The following TBC1D1 variants were observed in gnomAD, a reference collection of about 807,000 sequenced individuals.
TBC1D1 encodes TBC1 domain family member 1, also known as TBC1 (tre-2/USP6, BUB2, cdc16) domain family, member 1.
Under a neutral mutation model 125.6 loss-of-function variants are expected in TBC1D1, and 89 were observed. The observed-to-expected ratio is 0.71, with a 90% CI of 0.60 to 0.85. The LOEUF is 0.85. Ranked by LOEUF, TBC1D1 falls within the 40% of genes least tolerant of loss-of-function variation. TBC1D1 has a pLI of 0.00. For synonymous variants in TBC1D1, 565 were observed against 564.1 expected (o/e 1.00, Z -0.02); for missense variants, 1,377 against 1,469.2 (o/e 0.94, Z 1.03).
At position 38,125,190 on chromosome 4, in the gene TBC1D1, A is replaced by C; in HGVS notation, c.3132+59A>C. 2.0e-6 allele frequency: 3 copies of C among 1,537,858 alleles called. No homozygotes were observed. The South Asian group carries it at 3.4e-5, about 18-fold the overall frequency. On this transcript the variant is annotated intron_variant, in intron 18 of 19. Transcript: ENST00000261439. ...GCCATCCTAGATATGTAGAAACTTAAATCTCTCTTGAGCAGGAACTGTTTC... is the reference window on the plus strand; with the variant it reads ...GCCATCCTAGATATGTAGAAACTTACATCTCTCTTGAGCAGGAACTGTTTC...
At chr4:38,117,860 C>T (rs1763227112) in intron 16 of TBC1D1, among the ~76,000 whole-genome samples, 173 bp from the exon 19 acceptor site, 1 of 150,208 alleles carries the variant, frequency 6.7e-6, no homozygotes, top group Non-Finnish European at 1.5e-5. Flanking sequence ...CCAGCAGGCA[C>T]TTGGGAAGCA....
chr4:38,035,510 T>A, intron 7 of TBC1D1, 78 bp from the exon 8 acceptor site: 1 of 1,106,082 alleles, frequency 9.0e-7, no homozygotes, highest in African/African-American at 1.6e-5. Flanking sequence ...GGATGGAAGC[T>A]GTTAGCATTT....
chr4:38,040,621 G>A lies in TBC1D1; in HGVS notation c.1414-3741G>A, dbSNP rs149054206. ...TTTATATATCAAAACAATTCAGCTT[G>A]CTTCACTTTTATGAAAGCTTTATTA... is the stretch of plus-strand genomic sequence containing the variant. On this transcript the variant is annotated intron_variant, in intron 8 of 19. Coordinates refer to ENST00000261439, the MANE Select transcript of TBC1D1 (RefSeq NM_015173.4). 4.6e-3 allele frequency among the ~76,000 whole-genome samples: 695 copies of A among 152,338 alleles called. 6 individuals are homozygous for A. Among genetic ancestry groups the A allele is most frequent in the African/African-American group, 0.016 (665 of 41,588 alleles).
chr4:38,058,213 C>T (rs1179871780), intron 12 of TBC1D1, among the ~76,000 whole-genome samples: 2 of 152,228 alleles, frequency 1.3e-5, no homozygotes, highest in African/African-American at 4.8e-5. Flanking sequence ...ACAAATCAGG[C>T]ATCTTTGTCC....
Position 38,096,048 on chromosome 4 carries a change from A to G in TBC1D1, c.2356A>G (p.Ile786Val). 6.2e-7 allele frequency: 1 copy of G among 1,613,980 alleles called. No homozygotes were observed. Among genetic ancestry groups the G allele is most frequent in the Non-Finnish European group, 8.5e-7 (1 of 1,179,898 alleles). ...GCTTAGCACTCCAGGAAGATCAAAA[A>G]TTAAGTTTGACATGGAAAAAATGCA... Residue 786 changes from isoleucine (I) to valine (V), a missense_variant, in exon 14 of 20, where the codon ATT becomes GTT. Physicochemically the swap from Ile to Val is conservative, Grantham distance 29 (BLOSUM62 3). This residue lies in a region of TBC1D1 where 543 missense variants were observed against 613.5 expected (regional missense o/e 0.89). Coordinates refer to ENST00000261439, the MANE Select transcript of TBC1D1 (RefSeq NM_015173.4).
intron 2 of TBC1D1, chr4:37,951,906 G>T (rs1340933753): frequency 9.9e-6 from 7 of 709,150 alleles, no homozygotes; most frequent in African/African-American, 1.8e-5. Context: ...GGTGATAATG[G>T]GTATGTACTT....
At chr4:38,136,366 A>G (rs75658205) in intron 19 of TBC1D1, among the ~76,000 whole-genome samples, 200 of 152,330 alleles carry the variant, frequency 1.3e-3, no homozygotes, top group African/African-American at 4.5e-3. Flanking sequence ...GTGAACAGTC[A>G]GTGAGACCAG....
intron 2 of TBC1D1, among the ~76,000 whole-genome samples, chr4:37,941,132 G>A (rs910835028): frequency 6.6e-6 from 1 of 152,124 alleles, no homozygotes; most frequent in Non-Finnish European, 1.5e-5. Flanking sequence ...GGTAGAATTC[G>A]GCTGTGAATC....
chr4:37,937,617 G>GAATTGTTTCATCAAGAAACAATAAT (rs1211407083), intron 2 of TBC1D1, among the ~76,000 whole-genome samples: 25 of 152,146 alleles, frequency 1.6e-4, no homozygotes, highest in African/African-American at 5.8e-4. Flanking sequence ...GAAACAATAA[G>GAATTGTTTCATCAAGAAACAATAAT]AATTGTTTCA....
chr4:37,937,997 T>G (rs62298461), intron 2 of TBC1D1, among the ~76,000 whole-genome samples: 13,228 of 152,238 alleles, frequency 0.087, 804 homozygotes, highest in Admixed American at 0.18. Flanking sequence ...GGGAAGGTAT[T>G]CACTCCGCCT....
intron 19 of TBC1D1, 95 bp from the exon 22 acceptor site, chr4:38,137,040 C>T (rs17579988): frequency 0.048 from 76,457 of 1,586,686 alleles, 2,098 homozygotes; most frequent in East Asian, 0.11. Context: ...AAACTCGGCT[C>T]CAGAGTGCTC....
intron 17 of TBC1D1, among the ~76,000 whole-genome samples, chr4:38,123,687 A>C (rs550908897): frequency 2.4e-4 from 37 of 151,896 alleles, no homozygotes; most frequent in African/African-American, 8.5e-4. Context: ...GTGGACCCTG[A>C]GCTGGGTGGG....
intron 2 of TBC1D1, among the ~76,000 whole-genome samples, chr4:37,973,187 G>C (rs1005821605): frequency 1.3e-5 from 2 of 152,156 alleles, no homozygotes; most frequent in African/African-American, 4.8e-5. Context: ...GATTAGGAAG[G>C]AAGACTTGGA....
At chr4:38,010,517 A>G (rs1741250913) in intron 2 of TBC1D1, among the ~76,000 whole-genome samples, 1 of 152,086 alleles carries the variant, frequency 6.6e-6, no homozygotes. Flanking sequence ...AGATGCCTTT[A>G]CTTTCAAGTC....
At position 38,063,532 on chromosome 4, in the gene TBC1D1, T is replaced by C. The variant is rs1427616333; in HGVS notation, c.2050+9194T>C. Among the ~76,000 whole-genome samples the C allele has an allele frequency of 3.3e-5, 5 of 152,252 alleles. No individual in the cohort carries two copies. In the East Asian group the frequency reaches 9.6e-4, roughly 29 times the overall value. ...CTTTATTGAGATATAATTCACATCC[T>C]ATACAGTTTGTTCATTTAAAATGTA... On this transcript the variant is annotated intron_variant, in intron 12 of 19. Transcript: ENST00000261439.
intron 2 of TBC1D1, among the ~76,000 whole-genome samples, chr4:37,916,412 G>GT (rs950044302): frequency 4.0e-5 from 6 of 151,898 alleles, no homozygotes; most frequent in African/African-American, 1.5e-4. Flanking sequence ...GAGGTGCATC[G>GT]TTTTTAGCAA....
chr4:38,020,574 T>TTC lies in TBC1D1; in HGVS notation c.973-12_973-11dup. ...CTTCTGGATACAACTGAACATCTCG[T>TTC]TCTCTCCCTTTGGCAGGGCATCAGA... On this transcript the variant is annotated splice_polypyrimidine_tract_variant and intron_variant, in intron 4 of 19. Transcript: ENST00000261439. The TTC allele has an allele frequency of 6.2e-7, 1 of 1,608,202 alleles. No homozygotes were observed.
intron 2 of TBC1D1, among the ~76,000 whole-genome samples, chr4:37,970,947 C>T (rs1187585652): frequency 6.6e-6 from 1 of 152,094 alleles, no homozygotes; most frequent in Non-Finnish European, 1.5e-5. Flanking sequence ...ACTGGCCCCC[C>T]CCACTAGAGG....
chr4:38,073,255 C>T (rs1488334605), intron 12 of TBC1D1, among the ~76,000 whole-genome samples: 1 of 152,190 alleles, frequency 6.6e-6, no homozygotes, highest in Non-Finnish European at 1.5e-5. Context: ...GGCTCCAGTT[C>T]CTCTACACCC....
Sources: gnomAD v4.1 joint callset for allele counts (sites outside exome capture counted in the v4.1 genomes callset) on GRCh38, gnomAD v4.1.1 for gene constraint, gnomAD v4.1.1 regional missense constraint, MANE v1.5 for transcripts, NCBI Gene and HGNC (gene_info 2026-07-23, HGNC 2026-07-21) for gene names.